PGR: variants seen among roughly 807,000 people sequenced by gnomAD.
PGR encodes the protein nuclear receptor subfamily 3 group C member 3.
A neutral mutation model predicts 76.1 loss-of-function variants in PGR; 25 were observed. The observed-to-expected ratio is 0.33, with a 90% CI of 0.24 to 0.46. The LOEUF (loss-of-function observed/expected upper bound fraction) is 0.46. Ranked by LOEUF, PGR falls within the 20% of genes least tolerant of loss-of-function variation. PGR has a pLI of 1.00. For missense variants in PGR, 1,172 were observed against 1,225.3 expected, an observed-to-expected ratio of 0.96 and a Z score of 0.65; for synonymous variants, 579 against 535.0, an observed-to-expected ratio of 1.08 and a Z score of -1.14.
intron 4 of PGR, among the ~76,000 whole-genome samples, chr11:101,057,901 T>C (rs1484889055): frequency 6.6e-6 from 1 of 152,110 alleles, no homozygotes. Context: ...GTCTGGCTAA[T>C]ATTATGTATT....
chr11:101,112,104 T>C (rs1216567267), intron 2 of PGR, among the ~76,000 whole-genome samples: 3 of 152,180 alleles, frequency 2.0e-5, no homozygotes, highest in South Asian at 2.1e-4. Context: ...CCATAAGATT[T>C]AGTAACATGG....
chr11:101,108,047 A>T, intron 2 of PGR, among the ~76,000 whole-genome samples: 1 of 151,470 alleles, frequency 6.6e-6, no homozygotes, highest in Non-Finnish European at 1.5e-5. Context: ...TAAGGTCAGG[A>T]GTTTGAGACC....
chr11:101,121,248 G>A (rs1363471188), intron 2 of PGR, among the ~76,000 whole-genome samples: 1 of 152,088 alleles, frequency 6.6e-6, no homozygotes, highest in Admixed American at 6.5e-5. Context: ...TAAGATTATT[G>A]GCAAAATATC....
At chr11:101,077,317 T>C (rs1015062078) in intron 3 of PGR, among the ~76,000 whole-genome samples, 2 of 152,146 alleles carry the variant, frequency 1.3e-5, no homozygotes, top group African/African-American at 4.8e-5. Flanking sequence ...CAATCCTTTA[T>C]AGCACTGATA....
chr11:101,127,953 G>T lies in PGR; in HGVS notation c.1118C>A (p.Ala373Glu), dbSNP rs781323181. The part of the protein sequence containing the change: ...YPPDAEPKDD[A>E]YPLYSDFQPP... ...CTGGAAGTCGCTATAGAGAGGGTAC[G>T]CGTCGTCCTTGGGCTCGGCGTCGGG... The change falls in exon 1 of 8, where the codon GCG becomes GAG. Residue 373 changes from alanine to glutamate, a missense_variant. Ala to Glu is a moderately radical substitution (Grantham distance 107, BLOSUM62 -1). Coordinates refer to ENST00000325455, the MANE Select transcript of PGR (RefSeq NM_000926.4). 5 of 1,611,936 alleles carry T rather than the reference G, an allele frequency of 3.1e-6. No homozygotes were observed. The highest frequency in any genetic ancestry group is 4.2e-6 in the Non-Finnish European group (5 of 1,179,786).
At position 101,049,966 on chromosome 11, in the gene PGR, C is replaced by T; in HGVS notation, c.2451G>A (p.Glu817=). 1 of 1,612,522 alleles carries T rather than the reference C, an allele frequency of 6.2e-7. No homozygotes were observed. The highest frequency in any genetic ancestry group is 8.5e-7 in the Non-Finnish European group (1 of 1,178,964). ...EFVKLQVSQE[E]FLCMKVLLLL... The stretch of plus-strand genomic sequence containing the variant: ...GTAACAATACTTTCATACAGAGGAA[C>T]TCTTCTTGGCTAACTTGAAGCTTGA... Residue 817 remains glutamate, a synonymous_variant, in exon 6 of 8, where the codon GAG becomes GAA. Transcript: ENST00000325455.
chr11:101,035,637 T>TA lies in PGR; in HGVS notation c.*3478dup, dbSNP rs1168214670. ...AGGCTCTCTGTTCTAAAAAGACACTTAAAAATGTTAAAATCAGTGTCATTA... is the reference window on the plus strand; with the variant it reads ...AGGCTCTCTGTTCTAAAAAGACACTTAAAAAATGTTAAAATCAGTGTCATTA... On this transcript the variant is annotated 3_prime_UTR_variant, in exon 8 of 8. Coordinates refer to ENST00000325455, the MANE Select transcript of PGR (RefSeq NM_000926.4). The TA allele has an allele frequency of 8.6e-6, 2 of 231,864 alleles. No homozygotes were observed. The highest frequency in any genetic ancestry group is 2.2e-5 in the African/African-American group (1 of 45,266). 14.4% of individuals were successfully genotyped at this position (231,864 alleles called of 1,614,324 possible). A position where few individuals can be genotyped will look rare whatever the true frequency, so the allele number is the denominator to read the frequency against.
chr11:101,075,742 G>A (rs183325267), intron 3 of PGR, among the ~76,000 whole-genome samples: 2 of 151,518 alleles, frequency 1.3e-5, no homozygotes, highest in East Asian at 3.9e-4. Flanking sequence ...ATCACTGGTC[G>A]AAATGCAAAT....
chr11:101,108,190 G>T (rs1191017768), intron 2 of PGR, among the ~76,000 whole-genome samples: 1 of 150,578 alleles, frequency 6.6e-6, no homozygotes, highest in African/African-American at 2.4e-5. Flanking sequence ...GGAGGCAGAG[G>T]TTGCAGTGAG....
rs1591360638 is a variant in PGR, at chr11:101,034,012, G to A, written c.*5104C>T. 4.3e-6 allele frequency: 1 copy of A among 230,562 alleles called. No homozygotes were observed. Among genetic ancestry groups the A allele is most frequent in the Middle Eastern group, 1.3e-3 (1 of 766 alleles). 14.3% of individuals were successfully genotyped at this position (230,562 alleles called of 1,614,324 possible). On this transcript the variant is annotated 3_prime_UTR_variant, in exon 8 of 8. Coordinates refer to ENST00000325455, the MANE Select transcript of PGR (RefSeq NM_000926.4). ...TCATATCTATCCGAATATTGACCAGGACACTAATGCCACACTGCAGAGTTA... is the reference window on the plus strand; with the variant it reads ...TCATATCTATCCGAATATTGACCAGAACACTAATGCCACACTGCAGAGTTA...
chr11:101,041,428 C>T (rs1310133541), intron 7 of PGR, among the ~76,000 whole-genome samples: 1 of 152,100 alleles, frequency 6.6e-6, no homozygotes, highest in East Asian at 1.9e-4. Flanking sequence ...TTTTCCCCCT[C>T]TGCTATGGTG....
At chr11:101,118,373 T>C (rs1436670132) in intron 2 of PGR, among the ~76,000 whole-genome samples, 1 of 152,246 alleles carries the variant, frequency 6.6e-6, no homozygotes, top group African/African-American at 2.4e-5. Context: ...GTACAAATGC[T>C]ACAGCACTGT....
chr11:101,126,279 A>T, intron 1 of PGR, 121 bp from the exon 2 acceptor site: 1 of 895,092 alleles, frequency 1.1e-6, no homozygotes, highest in South Asian at 1.4e-5. Context: ...CTGTATATAT[A>T]CACTTGAAAG....
chr11:101,099,905 T>C (rs548681698), intron 2 of PGR, among the ~76,000 whole-genome samples: 4 of 152,296 alleles, frequency 2.6e-5, no homozygotes, highest in South Asian at 2.1e-4. Context: ...TCAGCTGTCA[T>C]TGGGTGAGTG....
intron 2 of PGR, among the ~76,000 whole-genome samples, chr11:101,124,557 ATT>A (rs1862781223): frequency 6.6e-6 from 1 of 152,188 alleles, no homozygotes; most frequent in South Asian, 2.1e-4. Context: ...GCTTAAGAGG[ATT>A]CTAAGGGAGT....
chr11:101,091,852 C>T lies in PGR; in HGVS notation c.1814G>A (p.Gly605Glu), dbSNP rs2135456840. Residue 605 changes from glycine to glutamate, a missense_variant, in exon 3 of 8, where the codon GGA becomes GAA. By Grantham distance (98) the Gly-to-Glu change is moderately conservative. Transcript: ENST00000325455. The part of the protein sequence containing the change: ...MEGQHNYLCA[G>E]RNDCIVDKIR... Reference sequence around the variant, plus strand: ...TTTATCAACGATGCAGTCATTTCTTCCAGCACATAAGTAGTTGTGCTGCCC... The same window carrying T: ...TTTATCAACGATGCAGTCATTTCTTTCAGCACATAAGTAGTTGTGCTGCCC... The T allele has an allele frequency of 6.2e-7, 1 of 1,606,620 alleles. No homozygotes were observed. Among genetic ancestry groups the T allele is most frequent in the Admixed American group, 1.7e-5 (1 of 59,974 alleles).
rs1666539987 is a variant in PGR, at chr11:101,127,586, C to A, written c.1485G>T (p.Leu495=). 1 of 1,315,306 alleles carries A rather than the reference C, an allele frequency of 7.6e-7. No individual in the cohort carries two copies. The allele number at this position is 1,315,306 out of a possible 1,614,324, so 81.5% of individuals were successfully genotyped here. A position where few individuals can be genotyped will look rare whatever the true frequency, so the allele number is the denominator to read the frequency against. ...ASGCLLPRDG[L]PSTSASAAAA... ...CGGCGGCAGAGGCGGAGGTGGAGGG[C>A]AGGCCGTCCCGCGGGAGCAGGCAGC... Residue 495 remains leucine (L), a synonymous_variant, in exon 1 of 8, where the codon CTG becomes CTT. Transcript: ENST00000325455.
intron 2 of PGR, among the ~76,000 whole-genome samples, chr11:101,104,312 C>G (rs1862082818): frequency 6.6e-6 from 1 of 152,110 alleles, no homozygotes; most frequent in Non-Finnish European, 1.5e-5. Flanking sequence ...AGGCCATATG[C>G]TTTAGAGTCA....
chr11:101,119,783 TA>T (rs1862619081), intron 2 of PGR, among the ~76,000 whole-genome samples: 1 of 152,222 alleles, frequency 6.6e-6, no homozygotes, highest in African/African-American at 2.4e-5. Context: ...AGAGACCATG[TA>T]TTTATCTGAA....
Sources: allele counts gnomAD v4.1 joint callset (sites outside exome capture counted in the v4.1 genomes callset), GRCh38; gene constraint gnomAD v4.1.1; transcripts MANE v1.5; gene names NCBI Gene and HGNC (gene_info 2026-07-23, HGNC 2026-07-21).